PDE1C: variants seen among roughly 807,000 people sequenced by gnomAD.
The protein encoded by PDE1C is phosphodiesterase 1C.
Under a neutral mutation model 93.1 loss-of-function variants are expected in PDE1C, and 62 were observed. The ratio of observed to expected loss-of-function variants is 0.67; its 90% CI spans 0.54 to 0.82. The LOEUF (loss-of-function observed/expected upper bound fraction) is 0.82. PDE1C is among the 40% of genes least tolerant of loss of function. PDE1C has a pLI of 0.00. For synonymous variants in PDE1C, 325 were observed against 310.1 expected, an observed-to-expected ratio of 1.05 and a Z score of -0.50; for missense variants, 742 against 884.6, an observed-to-expected ratio of 0.84 and a Z score of 2.04.
At chr7:32,407,017 T>A (rs550048885) in intron 1 of PDE1C, among the ~76,000 whole-genome samples, 62 of 152,318 alleles carry the variant, frequency 4.1e-4, no homozygotes, top group African/African-American at 1.4e-3. Flanking sequence ...GGCTCATGCC[T>A]GTAATCCAAG....
intron 16 of PDE1C, among the ~76,000 whole-genome samples, chr7:31,778,539 C>A (rs895092203): frequency 6.6e-6 from 1 of 152,144 alleles, no homozygotes; most frequent in Non-Finnish European, 1.5e-5. Context: ...CTAGTCATGA[C>A]GATCATAAAC....
At chr7:32,369,897 T>C (rs911941703) in intron 1 of PDE1C, among the ~76,000 whole-genome samples, 2 of 152,314 alleles carry the variant, frequency 1.3e-5, no homozygotes, top group Admixed American at 6.5e-5. Flanking sequence ...TGTAAACTAG[T>C]TCAACCATTG....
rs143035954 is a variant in PDE1C at position 31,808,026 on chromosome 7, G to A, written c.1891+1005C>T. On this transcript the variant is annotated intron_variant, in intron 16 of 17. Coordinates refer to ENST00000396191, the MANE Select transcript of PDE1C (RefSeq NM_001191057.4). ...CATTGTCTTTTTAGAAAAAGTTTGA[G>A]AACGGTTTTCATGCATGCAAGCAAA... 3.3e-3 allele frequency among the ~76,000 whole-genome samples: 503 copies of A among 152,020 alleles called. 1 individual carries two copies. The highest frequency in any genetic ancestry group is 0.012 in the African/African-American group (488 of 41,494).
chr7:32,075,634 G>A (rs1458974723), upstream of PDE1C, among the ~76,000 whole-genome samples: 3 of 152,230 alleles, frequency 2.0e-5, no homozygotes, highest in East Asian at 5.8e-4. Context: ...AAGCCCAGAG[G>A]TACCCCCACT....
At chr7:31,995,418 C>A (rs1784603883) in intron 2 of PDE1C, among the ~76,000 whole-genome samples, 1 of 151,838 alleles carries the variant, frequency 6.6e-6, no homozygotes, top group Non-Finnish European at 1.5e-5. Flanking sequence ...CCTGCTATGC[C>A]CAGAAGCCCT....
At chr7:32,282,023 G>T (rs372868258) in intron 1 of PDE1C, among the ~76,000 whole-genome samples, 1 of 152,018 alleles carries the variant, frequency 6.6e-6, no homozygotes, top group Admixed American at 6.6e-5. Context: ...GGTAGGGGAC[G>T]GGGAGAGATA....
chr7:31,965,398 A>C (rs538146188), intron 2 of PDE1C, among the ~76,000 whole-genome samples: 1 of 152,340 alleles, frequency 6.6e-6, no homozygotes, highest in East Asian at 1.9e-4. Flanking sequence ...TGAGAAGAGA[A>C]GTTTAGAGAA....
intron 1 of PDE1C, among the ~76,000 whole-genome samples, chr7:32,386,980 G>A (rs968223930): frequency 1.1e-4 from 17 of 151,172 alleles, no homozygotes; most frequent in Non-Finnish European, 2.1e-4. Flanking sequence ...AGATAAACAA[G>A]TGAACAAAGG....
chr7:32,121,200 G>A (rs1422588168), intron 3 of PDE1C, among the ~76,000 whole-genome samples: 2 of 152,028 alleles, frequency 1.3e-5, no homozygotes, highest in Non-Finnish European at 2.9e-5. Flanking sequence ...GAAAAGGAAT[G>A]AACAAAGCCT....
chr7:32,182,845 A>C (rs1584918863), intron 2 of PDE1C, among the ~76,000 whole-genome samples: 1 of 152,194 alleles, frequency 6.6e-6, no homozygotes, highest in East Asian at 1.9e-4. Context: ...AATTAGGAAA[A>C]GAGGAAGTCA....
At chr7:31,833,467 T>C (rs1484889565) in intron 11 of PDE1C, among the ~76,000 whole-genome samples, 1 of 152,184 alleles carries the variant, frequency 6.6e-6, no homozygotes, top group Non-Finnish European at 1.5e-5. Flanking sequence ...TAAGAAAATG[T>C]GGGAAATTTT....
At chr7:32,322,038 C>A (rs1449240610) in intron 1 of PDE1C, among the ~76,000 whole-genome samples, 1 of 152,084 alleles carries the variant, frequency 6.6e-6, no homozygotes, top group African/African-American at 2.4e-5. Flanking sequence ...TCACTGAAGG[C>A]CTACTAGGGG....
chr7:31,816,468 G>T (rs1024818188), intron 14 of PDE1C, among the ~76,000 whole-genome samples: 2 of 152,058 alleles, frequency 1.3e-5, no homozygotes, highest in African/African-American at 2.4e-5. Flanking sequence ...TGTTCGCTCT[G>T]CCAAGTATTA....
chr7:31,682,697 C>A, the PDE1C span, among the ~76,000 whole-genome samples: 1 of 152,116 alleles, frequency 6.6e-6, no homozygotes. Flanking sequence ...GCTTCCTTTG[C>A]AATAGACGAA....
intron 1 of PDE1C, among the ~76,000 whole-genome samples, chr7:32,349,160 G>C (rs1368352863): frequency 6.6e-6 from 1 of 152,228 alleles, no homozygotes; most frequent in Non-Finnish European, 1.5e-5. Context: ...CCTCTTGGGA[G>C]TTTCTCAGGA....
At chr7:32,281,814 A>T (rs996618319) in intron 1 of PDE1C, among the ~76,000 whole-genome samples, 1 of 152,220 alleles carries the variant, frequency 6.6e-6, no homozygotes, top group African/African-American at 2.4e-5. Flanking sequence ...AACATGTGGC[A>T]CATATACACC....
intron 1 of PDE1C, among the ~76,000 whole-genome samples, chr7:32,239,045 T>A (rs1223008109): frequency 6.6e-6 from 1 of 152,160 alleles, no homozygotes; most frequent in East Asian, 1.9e-4. Flanking sequence ...GGCAGCAGAA[T>A]TGCTTGAGGC....
Position 32,393,048 on chromosome 7 carries a change from CAAA to C in PDE1C, c.310+34771_310+34773del, listed in dbSNP as rs35905868. Among the ~76,000 whole-genome samples the C allele has an allele frequency of 9.5e-3, 460 of 48,456 alleles. 2 individuals are homozygous for C. Among genetic ancestry groups the C allele is most frequent in the African/African-American group, 0.034 (430 of 12,560 alleles). The allele number at this position is 48,456 out of a possible 152,430, so 31.8% of individuals were successfully genotyped here. On this transcript the variant is annotated intron_variant, in intron 1 of 1. Transcript: ENST00000672256. ...TGGGCAACAGAGCGAGACTCTGTCTCAAAAAAAAAAAAAAAAAAAAAAAAGCAC... is the reference window on the plus strand; with the variant it reads ...TGGGCAACAGAGCGAGACTCTGTCTCAAAAAAAAAAAAAAAAAAAAAGCAC...
At chr7:31,744,269 C>A in the PDE1C span, among the ~76,000 whole-genome samples, 1 of 152,156 alleles carries the variant, frequency 6.6e-6, no homozygotes, top group Non-Finnish European at 1.5e-5. Context: ...CAAACACACA[C>A]ACACACACAC....
Sources: allele counts gnomAD v4.1 joint callset (sites outside exome capture counted in the v4.1 genomes callset), GRCh38; gene constraint gnomAD v4.1.1; transcripts MANE v1.5; gene names NCBI Gene and HGNC (gene_info 2026-07-23, HGNC 2026-07-21).